Variants in CFAP97 observed in about 807,000 individuals in gnomAD.
CFAP97 encodes the protein cilia and flagella associated protein 97, also known as cilia- and flagella-associated protein 97.
Under a neutral mutation model 43.1 loss-of-function variants are expected in CFAP97, and 36 were observed. The observed-to-expected ratio is 0.84, with a 90% confidence interval of 0.64 to 1.10. The LOEUF (loss-of-function observed/expected upper bound fraction) is 1.10. Among genes scored for constraint, CFAP97 ranks in the 50% least tolerant of loss-of-function variants. CFAP97 has a pLI of 0.00. For synonymous variants in CFAP97, 228 were observed against 225.7 expected (o/e 1.01, Z -0.09); for missense variants, 657 against 620.3 (o/e 1.06, Z -0.63).
chr4:185,198,368 G>C (rs1168711113), intron 1 of CFAP97, among the ~76,000 whole-genome samples: 1 of 151,490 alleles, frequency 6.6e-6, no homozygotes, highest in Non-Finnish European at 1.5e-5. Flanking sequence ...CTTTGAACTG[G>C]GAAGGCAGAA....
In CFAP97 at chr4:185,160,604, GCC is replaced by G. The variant is rs1157384938; in HGVS notation, c.*2192_*2193del. The G allele has an allele frequency of 1.3e-5, 2 of 151,766 alleles. No homozygotes were observed. The highest frequency in any genetic ancestry group is 2.1e-4 in the South Asian group (1 of 4,820). 9.4% of individuals were successfully genotyped at this position (151,766 alleles called of 1,614,324 possible). On this transcript the variant is annotated 3_prime_UTR_variant, in exon 5 of 5. Transcript: ENST00000458385. ...TTGAAGTTCCGCTTAAAAGACTCTT[GCC>G]CTTTCCAACTTTTACTTTAAGTTGG...
intron 1 of CFAP97, among the ~76,000 whole-genome samples, chr4:185,195,388 T>G (rs1261655364): frequency 1.3e-5 from 2 of 151,924 alleles, no homozygotes; most frequent in African/African-American, 4.8e-5. Context: ...GAGGCTGAGG[T>G]AGAAGGATCA....
At chr4:185,208,994 C>CAAAA (rs1046574147), upstream of CFAP97, among the ~76,000 whole-genome samples, 1 of 152,118 alleles carries the variant, frequency 6.6e-6, no homozygotes, top group Non-Finnish European at 1.5e-5. Flanking sequence ...TGGTAAAAAA[C>CAAAA]AAAAAACAAA....
chr4:185,191,060 T>C lies in CFAP97; in HGVS notation c.137A>G (p.Lys46Arg), dbSNP rs1043822984. ...QNDDPKERID[K>R]DTKNVNSNTG... ...GTTCGAATTTACATTTTTTGTATCT[T>C]TATCTATTCTTTCCTTTGGGTCATC... The change falls in exon 2 of 5, where the codon AAA (lysine) becomes AGA (arginine). Residue 46 changes from lysine (K) to arginine (R), a missense_variant. Coordinates refer to ENST00000458385, the MANE Select transcript of CFAP97 (RefSeq NM_020827.3). The C allele has an allele frequency of 1.2e-6, 2 of 1,613,494 alleles. No homozygotes were observed. Among genetic ancestry groups the C allele is most frequent in the East Asian group, 2.2e-5 (1 of 44,850 alleles).
At chr4:185,170,848 G>GGT (rs1360702418) in intron 3 of CFAP97, among the ~76,000 whole-genome samples, 1 of 151,344 alleles carries the variant, frequency 6.6e-6, no homozygotes, top group East Asian at 2.0e-4. Context: ...AGCCAGGTGT[G>GGT]GTGGCACAGG....
upstream of CFAP97, chr4:185,210,240 C>T: frequency 2.0e-6 from 2 of 984,944 alleles, no homozygotes; most frequent in Non-Finnish European, 2.4e-6. This position sits in a 1 kb window ranked among gnomAD's most constrained non-coding sequence, Gnocchi z 4.4. Flanking sequence ...CCTCAGCCGC[C>T]CGCCGCCCGC....
intron 3 of CFAP97, chr4:185,169,642 T>C: frequency 1.0e-6 from 1 of 985,326 alleles, no homozygotes; most frequent in Non-Finnish European, 1.2e-6. Flanking sequence ...CATCTTTTGA[T>C]GTTTAAACAA....
chr4:185,190,667 A>T lies in CFAP97; in HGVS notation c.530T>A (p.Leu177Ter), dbSNP rs761955573. The change falls in exon 2 of 5, where the codon TTA (leucine) becomes TAA (stop). Residue 177 changes from leucine (L) to a stop codon, truncating the protein, a stop_gained. Coordinates refer to ENST00000458385, the MANE Select transcript of CFAP97 (RefSeq NM_020827.3). LOFTEE classifies it high-confidence loss of function. ...CKVSSSSSSS[L>*]SSSSSGSGTD... is the part of the protein sequence containing the mutation. ...ACCTGAACCTGAAGATGAGGAAGATAAAGAGGAGGAGGAAGAGGAGCTAAC... is the reference window on the plus strand; with the variant it reads ...ACCTGAACCTGAAGATGAGGAAGATTAAGAGGAGGAGGAAGAGGAGCTAAC... The T allele has an allele frequency of 4.4e-6, 7 of 1,578,202 alleles. No individual in the cohort carries two copies. The highest frequency in any genetic ancestry group is 6.0e-6 in the Non-Finnish European group (7 of 1,160,818).
rs370584135 is a variant in CFAP97 at position 185,186,827 on chromosome 4, A to G, written c.1054+3316T>C. The stretch of plus-strand genomic sequence containing the variant: ...ATATAAGCTATAACCTATATAAACA[A>G]AAGCTCTTCAGAATCCTCAATAACT... On this transcript the variant is annotated intron_variant, in intron 2 of 4. Transcript: ENST00000458385. 8.5e-5 allele frequency among the ~76,000 whole-genome samples: 13 copies of G among 152,332 alleles called. 1 individual carries two copies. In the East Asian group the frequency reaches 1.5e-3, roughly 18 times the overall value.
At chr4:185,205,357 GAC>G (rs1001675095), upstream of CFAP97, among the ~76,000 whole-genome samples, 1 of 151,988 alleles carries the variant, frequency 6.6e-6, no homozygotes, top group African/African-American at 2.4e-5. Context: ...GGAAGGCTGA[GAC>G]AGGAGAATCG....
intron 3 of CFAP97, among the ~76,000 whole-genome samples, chr4:185,174,919 T>C (rs1735454894): frequency 6.6e-6 from 1 of 152,230 alleles, no homozygotes; most frequent in Non-Finnish European, 1.5e-5. Flanking sequence ...TATAATAGTT[T>C]TAAATGTGAA....
chr4:185,179,729 G>C (rs1735709112), intron 2 of CFAP97, among the ~76,000 whole-genome samples: 1 of 152,152 alleles, frequency 6.6e-6, no homozygotes, highest in Non-Finnish European at 1.5e-5. Flanking sequence ...TTCCCTAAGT[G>C]TTGGGGTAAT....
intron 1 of CFAP97, among the ~76,000 whole-genome samples, chr4:185,198,134 A>T (rs1368330066): frequency 6.6e-6 from 1 of 152,204 alleles, no homozygotes; most frequent in Non-Finnish European, 1.5e-5. Flanking sequence ...AGGCTGTCTC[A>T]TAAGGTTTAA....
At chr4:185,197,616 T>TG (rs1213850875) in intron 1 of CFAP97, among the ~76,000 whole-genome samples, 1 of 151,948 alleles carries the variant, frequency 6.6e-6, no homozygotes, top group Non-Finnish European at 1.5e-5. Flanking sequence ...TTAGTAGAGA[T>TG]GGGGTTTCAC....
chr4:185,206,643 G>A (rs970058031), upstream of CFAP97, among the ~76,000 whole-genome samples: 7 of 113,180 alleles, frequency 6.2e-5, no homozygotes, highest in East Asian at 1.6e-3. Flanking sequence ...TGGGTAACAA[G>A]AGCGAAACTC....
At chr4:185,194,083 G>A (rs879685097) in intron 1 of CFAP97, among the ~76,000 whole-genome samples, 3 of 152,126 alleles carry the variant, frequency 2.0e-5, no homozygotes, top group Non-Finnish European at 4.4e-5. Flanking sequence ...CCCACTGATG[G>A]GTATATGTAT....
chr4:185,179,382 C>T (rs554023071), intron 2 of CFAP97, among the ~76,000 whole-genome samples: 1 of 151,880 alleles, frequency 6.6e-6, no homozygotes, highest in East Asian at 1.9e-4. Context: ...AGGTTTATGC[C>T]CTTTTGCGTT....
At chr4:185,206,477 C>T (rs544415100), upstream of CFAP97, among the ~76,000 whole-genome samples, 7 of 98,948 alleles carry the variant, frequency 7.1e-5, no homozygotes, top group South Asian at 1.8e-3. Flanking sequence ...GAGACCAGCC[C>T]GATGAACCCC....
intron 2 of CFAP97, among the ~76,000 whole-genome samples, chr4:185,187,130 TA>T: frequency 6.6e-6 from 1 of 152,218 alleles, no homozygotes; most frequent in Non-Finnish European, 1.5e-5. Context: ...CAGGGGAGAA[TA>T]TTAATCAAAT....
Sources: gnomAD v4.1 joint callset for allele counts (sites outside exome capture counted in the v4.1 genomes callset) on GRCh38, gnomAD v4.1.1 for gene constraint, Gnocchi (gnomAD v3.1) non-coding constraint, MANE v1.5 for transcripts, NCBI Gene and HGNC (gene_info 2026-07-23, HGNC 2026-07-21) for gene names.